Variants in DDC observed in about 807,000 individuals in gnomAD.
DDC encodes dopa decarboxylase, also known as aromatic-L-amino-acid decarboxylase.
In DDC, 43 loss-of-function variants were observed where a neutral mutation model predicts 60.0. The observed-to-expected ratio is 0.72, with a 90% CI of 0.56 to 0.92. The LOEUF is 0.92. DDC is among the 40% of genes least tolerant of loss of function. The probability of loss-of-function intolerance (pLI) is 0.00; values close to 1 mark genes in which losing one functional copy is unlikely to be tolerated. For missense variants in DDC, 573 were observed against 620.2 expected, an observed-to-expected ratio of 0.92 and a Z score of 0.81; for synonymous variants, 232 against 234.6, an observed-to-expected ratio of 0.99 and a Z score of 0.10.
At chr7:50,499,385 C>A in intron 7 of DDC, 143 bp from the exon 8 acceptor site, 1 of 697,314 alleles carries the variant, frequency 1.4e-6, no homozygotes, top group East Asian at 2.7e-5. Flanking sequence ...CCCCAAAAGG[C>A]CCCCTCATTC....
Position 50,539,912 on chromosome 7 carries a change from C to T in DDC, c.315+3G>A, listed in dbSNP as rs764782327. On this transcript the variant is annotated splice_donor_region_variant and intron_variant, in intron 3 of 14. Transcript: ENST00000444124. ...CCTTCCCGAGGTGCATCCGGACCCTCACCCAGGAGAAGCCGATGCAGCCAA... is the reference window on the plus strand; with the variant it reads ...CCTTCCCGAGGTGCATCCGGACCCTTACCCAGGAGAAGCCGATGCAGCCAA... The T allele has an allele frequency of 1.2e-6, 2 of 1,612,768 alleles. No individual in the cohort carries two copies. Among genetic ancestry groups the T allele is most frequent in the South Asian group, 1.1e-5 (1 of 91,022 alleles).
intron 6 of DDC, among the ~76,000 whole-genome samples, chr7:50,511,050 TATAC>T (rs1029777508): frequency 1.3e-4 from 5 of 39,014 alleles, no homozygotes; most frequent in Non-Finnish European, 2.0e-4. Context: ...AGGATATATC[TATAC>T]ACACACACAC....
chr7:50,512,469 C>G (rs1346638203), intron 6 of DDC, among the ~76,000 whole-genome samples: 2 of 152,176 alleles, frequency 1.3e-5, no homozygotes, highest in Non-Finnish European at 2.9e-5. Context: ...AAGGGTTGGA[C>G]AGGAAAATAC....
chr7:50,522,528 G>T (rs921560096), intron 6 of DDC, among the ~76,000 whole-genome samples: 1 of 152,294 alleles, frequency 6.6e-6, no homozygotes, highest in South Asian at 2.1e-4. Flanking sequence ...TTAGTAGAAA[G>T]CTATAAATCA....
chr7:50,475,383 T>C lies in DDC; in HGVS notation c.1041+1241A>G, dbSNP rs200980010. The stretch of plus-strand genomic sequence containing the variant: ...CATGGATCTTCCCAGTGTGCCCTTA[T>C]GTGCACACACCCTGGCCTTTCTCCC... On this transcript the variant is annotated intron_variant, in intron 11 of 14. Coordinates refer to ENST00000444124, the MANE Select transcript of DDC (RefSeq NM_001082971.2). 3.9e-5 allele frequency among the ~76,000 whole-genome samples: 6 copies of C among 152,216 alleles called. No individual in the cohort carries two copies. The East Asian group carries it at 7.7e-4, about 20-fold the overall frequency.
intron 13 of DDC, among the ~76,000 whole-genome samples, chr7:50,463,794 A>C (rs2042337047): frequency 6.6e-6 from 1 of 152,168 alleles, no homozygotes; most frequent in African/African-American, 2.4e-5. Context: ...GGAGTCTCTA[A>C]ATTCTCACGG....
At chr7:50,564,954 A>T (rs2045398805) in intron 1 of DDC, among the ~76,000 whole-genome samples, 1 of 152,218 alleles carries the variant, frequency 6.6e-6, no homozygotes, top group African/African-American at 2.4e-5. Context: ...CTGGGGGAAT[A>T]AAATACCCAA....
intron 9 of DDC, among the ~76,000 whole-genome samples, chr7:50,481,005 G>A (rs1015743408): frequency 4.6e-5 from 7 of 152,200 alleles, no homozygotes; most frequent in African/African-American, 1.7e-4. Flanking sequence ...CCATCACAAA[G>A]CAATTTTGTA....
intron 1 of DDC, among the ~76,000 whole-genome samples, chr7:50,562,170 C>T (rs950288574): frequency 1.5e-4 from 23 of 152,210 alleles, no homozygotes; most frequent in African/African-American, 4.6e-4. Context: ...ACAGAGGCAG[C>T]GGCCTTCCAG....
chr7:50,553,721 A>C lies in DDC; in HGVS notation c.-28-9608T>G, dbSNP rs112504835. ...AGGATGGTCTTGAACTCCTGACCTC[A>C]TGATCTGCCTGCCTTGGCCTCCCAA... On this transcript the variant is annotated intron_variant, in intron 1 of 14. Coordinates refer to ENST00000444124, the MANE Select transcript of DDC (RefSeq NM_001082971.2). 1.8e-3 allele frequency among the ~76,000 whole-genome samples: 270 copies of C among 151,952 alleles called. 3 individuals carry two copies. The highest frequency in any genetic ancestry group is 6.2e-3 in the African/African-American group (256 of 41,462).
intron 2 of DDC, chr7:50,541,496 C>T (rs1294596384): frequency 1.3e-5 from 2 of 152,242 alleles, no homozygotes; most frequent in African/African-American, 4.8e-5. Context: ...GTGATTAGGG[C>T]ATGAGGGTGG....
At chr7:50,515,140 T>A (rs2043692783) in intron 6 of DDC, among the ~76,000 whole-genome samples, 1 of 152,040 alleles carries the variant, frequency 6.6e-6, no homozygotes, top group Non-Finnish European at 1.5e-5. Flanking sequence ...AAAGAAAGAA[T>A]CTTAAAAGCT....
chr7:50,508,740 C>A (rs2043469094), intron 6 of DDC, among the ~76,000 whole-genome samples: 1 of 152,228 alleles, frequency 6.6e-6, no homozygotes, highest in African/African-American at 2.4e-5. Flanking sequence ...AGTCATTATG[C>A]ACATGCCCAG....
chr7:50,477,510 T>G (rs1203535199), intron 10 of DDC: 16 of 456,464 alleles, frequency 3.5e-5, no homozygotes, highest in Non-Finnish European at 6.6e-5. Flanking sequence ...CATGCTCAGC[T>G]GGGACAAGCT....
chr7:50,540,072 A>G, intron 2 of DDC, 44 bp from the exon 3 acceptor site: 1 of 1,497,260 alleles, frequency 6.7e-7, no homozygotes, highest in South Asian at 1.2e-5. Flanking sequence ...GAGGAAAGCC[A>G]GGCCTCAAGA....
At chr7:50,540,850 G>A (rs1244122617) in intron 2 of DDC, among the ~76,000 whole-genome samples, 1 of 152,220 alleles carries the variant, frequency 6.6e-6, no homozygotes, top group African/African-American at 2.4e-5. Flanking sequence ...GGATCCAGGA[G>A]GCAAGGGTTG....
chr7:50,474,899 A>T (rs556163719), intron 11 of DDC, among the ~76,000 whole-genome samples: 1 of 151,436 alleles, frequency 6.6e-6, no homozygotes. Context: ...TTTCAGTCTC[A>T]TGCTGCAGGA....
chr7:50,527,614 C>G (rs1342958716), intron 6 of DDC: 2 of 159,032 alleles, frequency 1.3e-5, no homozygotes, highest in Non-Finnish European at 2.8e-5. Flanking sequence ...TGGACCTTAC[C>G]TCCCCGCACA....
At chr7:50,545,010 T>C (rs568961437) in intron 1 of DDC, among the ~76,000 whole-genome samples, 4 of 152,174 alleles carry the variant, frequency 2.6e-5, no homozygotes, top group Non-Finnish European at 5.9e-5. Flanking sequence ...GCACGTCTTG[T>C]GCATAGGATG....
Sources: allele counts gnomAD v4.1 joint callset (sites outside exome capture counted in the v4.1 genomes callset), GRCh38; gene constraint gnomAD v4.1.1; transcripts MANE v1.5; gene names NCBI Gene and HGNC (gene_info 2026-07-23, HGNC 2026-07-21).